Variants in CYP4F12 observed in about 807,000 individuals in gnomAD.
CYP4F12 encodes the protein cytochrome P450 family 4 subfamily F member 12, also known as cytochrome P450 4F12.
Under a neutral mutation model 56.5 loss-of-function variants are expected in CYP4F12, and 60 were observed. The observed-to-expected ratio is 1.06, with a 90% CI of 0.86 to 1.32. CYP4F12 has a LOEUF of 1.32. Among genes scored for constraint, CYP4F12 ranks in the 40% most tolerant of loss-of-function variants. CYP4F12 has a pLI of 0.00. For synonymous variants in CYP4F12, 263 were observed against 264.9 expected (o/e 0.99, Z 0.07); for missense variants, 711 against 683.5 (o/e 1.04, Z -0.45).
Position 15,694,594 on chromosome 19 carries a change from G to A in CYP4F12, c.1116-1342G>A, listed in dbSNP as rs1225508918. ...TCAGCTTAAGGAGATTTTGGGCTGA[G>A]ACAATGGGGTTTTCTAGATATACAA... On this transcript the variant is annotated intron_variant, in intron 9 of 12. Transcript: ENST00000550308. Among the ~76,000 whole-genome samples, 6 of 152,166 alleles carry A rather than the reference G, an allele frequency of 3.9e-5. No homozygotes were observed. The East Asian group carries it at 7.7e-4, about 20-fold the overall frequency.
chr19:15,685,800 A>G (rs1194908467), intron 9 of CYP4F12, among the ~76,000 whole-genome samples: 2 of 152,118 alleles, frequency 1.3e-5, no homozygotes, highest in South Asian at 2.1e-4. Flanking sequence ...TTTTTTTCAA[A>G]CATCTTTACT....
intron 3 of CYP4F12, among the ~76,000 whole-genome samples, chr19:15,679,402 T>C (rs1353927846): frequency 6.6e-6 from 1 of 152,252 alleles, no homozygotes; most frequent in African/African-American, 2.4e-5. Context: ...GCCGTTCTCT[T>C]ATCTGTCAAC....
At chr19:15,692,137 G>C (rs1415612197) in intron 9 of CYP4F12, among the ~76,000 whole-genome samples, 1 of 151,848 alleles carries the variant, frequency 6.6e-6, no homozygotes, top group East Asian at 1.9e-4. Context: ...TCTTGTTTTA[G>C]GTAGAGATGA....
intron 7 of CYP4F12, 88 bp downstream of exon 7, chr19:15,683,851 G>T (rs1047932148): frequency 1.4e-6 from 2 of 1,458,654 alleles, no homozygotes; most frequent in Non-Finnish European, 1.8e-6. Flanking sequence ...GATCCAAAGG[G>T]CACTGGGAGC....
chr19:15,675,915 G>C (rs896025855), intron 2 of CYP4F12, among the ~76,000 whole-genome samples: 11 of 152,162 alleles, frequency 7.2e-5, no homozygotes, highest in African/African-American at 2.7e-4. Context: ...AAGAGATAGA[G>C]AGATAAGAAT....
At chr19:15,676,373 T>TCACTCACTCATTCCACTACC (rs1568413216) in intron 2 of CYP4F12, among the ~76,000 whole-genome samples, 1 of 107,190 alleles carries the variant, frequency 9.3e-6, no homozygotes, top group Non-Finnish European at 2.1e-5. Context: ...ATTCCTCTCC[T>TCACTCACTCATTCCACTACC]CACTCACTCA....
intron 5 of CYP4F12, 97 bp downstream of exon 5, chr19:15,680,616 G>A (rs746651729): frequency 6.7e-7 from 1 of 1,488,312 alleles, no homozygotes; most frequent in Non-Finnish European, 9.4e-7. Context: ...GGTGGCACTG[G>A]GCCATTGCTC....
chr19:15,674,118 C>T (rs369750702), intron 2 of CYP4F12, among the ~76,000 whole-genome samples: 12 of 3,426 alleles, frequency 3.5e-3, no homozygotes, highest in South Asian at 9.3e-3. Flanking sequence ...CACTCACTCA[C>T]TCCTCTCCTC....
intron 7 of CYP4F12, 52 bp from the exon 8 acceptor site, chr19:15,684,756 TTGTGTGTG>T (rs3063212): frequency 0.16 from 169,488 of 1,041,024 alleles, 6,385 homozygotes; most frequent in Non-Finnish European, 0.18. Flanking sequence ...ATAGTATAAT[TTGTGTGTG>T]TGTGTGTGTG....
Position 15,684,756 on chromosome 19 carries a change from T to TTGTGTGTGTGTGTGTGTGTG in CYP4F12, c.919-36_919-17dup, listed in dbSNP as rs3063212. On this transcript the variant is annotated intron_variant, in intron 7 of 12. Transcript: ENST00000550308. ...TCCGGAGTCTCAGAGATAGTATAAT[T>TTGTGTGTGTGTGTGTGTGTG]TGTGTGTGTGTGTGTGTGTGTGTGT... 31 of 1,044,574 alleles carry TTGTGTGTGTGTGTGTGTGTG rather than the reference T, an allele frequency of 3.0e-5. No homozygotes were observed. The African/African-American group carries it at 4.0e-4, about 13-fold the overall frequency. The allele number at this position is 1,044,574 out of a possible 1,614,324, so 64.7% of individuals were successfully genotyped here. A position where few individuals can be genotyped will look rare whatever the true frequency, so the allele number is the denominator to read the frequency against.
intron 5 of CYP4F12, 40 bp downstream of exon 5, chr19:15,680,559 G>A (rs1284453863): frequency 2.5e-6 from 4 of 1,613,842 alleles, no homozygotes; most frequent in East Asian, 2.2e-5. Flanking sequence ...GGAGTCTTGG[G>A]GTGGAGGGAC....
intron 9 of CYP4F12, among the ~76,000 whole-genome samples, chr19:15,694,308 T>C (rs2008020479): frequency 6.6e-6 from 1 of 152,194 alleles, no homozygotes; most frequent in Non-Finnish European, 1.5e-5. Flanking sequence ...ATATTGATTC[T>C]TCCTACCCAT....
chr19:15,686,977 A>AAAGTG (rs1168720047), intron 9 of CYP4F12, among the ~76,000 whole-genome samples: 1 of 152,208 alleles, frequency 6.6e-6, no homozygotes, highest in Non-Finnish European at 1.5e-5. Flanking sequence ...TAAACAAAAA[A>AAAGTG]AAGTGTCTAA....
rs1174457671 is a variant in CYP4F12 at position 15,696,468 on chromosome 19, G to C, written c.1353G>C (p.Lys451Asn). The C allele has an allele frequency of 5.0e-6, 8 of 1,614,154 alleles. No individual in the cohort carries two copies. Among genetic ancestry groups the C allele is most frequent in the Non-Finnish European group, 6.8e-6 (8 of 1,180,026 alleles). Residue 451 changes from lysine to asparagine, a missense_variant, in exon 12 of 13, where the codon AAG becomes AAC. Physicochemically the swap from Lys to Asn is moderately conservative, Grantham distance 94. Coordinates refer to ENST00000550308, the MANE Select transcript of CYP4F12 (RefSeq NM_023944.4). ...DPFRFDPENSKGRSPLAFIPF... is the reference protein window; with the variant it reads ...DPFRFDPENSNGRSPLAFIPF... ...TCCGCTTTGACCCAGAGAACAGCAA[G>C]GGGAGGTCACCTCTGGCTTTTATTC...
intron 2 of CYP4F12, among the ~76,000 whole-genome samples, chr19:15,677,261 C>A (rs1239797175): frequency 1.2e-5 from 1 of 83,202 alleles, no homozygotes; most frequent in Non-Finnish European, 2.4e-5. Context: ...TCACTCATTC[C>A]TCTGCTCACT....
chr19:15,694,015 C>A (rs2008003374), intron 9 of CYP4F12, among the ~76,000 whole-genome samples: 1 of 151,876 alleles, frequency 6.6e-6, no homozygotes, highest in South Asian at 2.1e-4. Flanking sequence ...GTGGCATTAA[C>A]TCTGAGGGCT....
chr19:15,678,342 C>T lies in CYP4F12; in HGVS notation c.280C>T (p.Pro94Ser). The change falls in exon 3 of 13, where the codon CCC becomes TCC. Residue 94 changes from proline (P) to serine (S), a missense_variant. Physicochemically the swap from Pro to Ser is moderately conservative, Grantham distance 74. Transcript: ENST00000550308. ...YSQGFTVWLG[P>S]IIPFIVLCHP... The stretch of plus-strand genomic sequence containing the variant: ...CCAGGGCTTTACGGTATGGCTGGGT[C>T]CCATCATCCCCTTCATCGTTTTATG... 1 of 1,614,174 alleles carries T rather than the reference C, an allele frequency of 6.2e-7. No homozygotes were observed. Among genetic ancestry groups the T allele is most frequent in the South Asian group, 1.1e-5 (1 of 91,080 alleles).
intron 9 of CYP4F12, among the ~76,000 whole-genome samples, chr19:15,695,608 G>A (rs1244492081): frequency 6.6e-6 from 1 of 151,976 alleles, no homozygotes; most frequent in African/African-American, 2.4e-5. Flanking sequence ...ATTGGATCTG[G>A]GTATTTTGTT....
At chr19:15,690,214 G>A (rs545820278) in intron 9 of CYP4F12, among the ~76,000 whole-genome samples, 1 of 151,990 alleles carries the variant, frequency 6.6e-6, no homozygotes, top group African/African-American at 2.4e-5. Flanking sequence ...TTTTTAATTG[G>A]CAAATTTTAA....
Sources: gnomAD v4.1 joint callset for allele counts (sites outside exome capture counted in the v4.1 genomes callset) on GRCh38, gnomAD v4.1.1 for gene constraint, MANE v1.5 for transcripts, NCBI Gene and HGNC (gene_info 2026-07-23, HGNC 2026-07-21) for gene names.